Variants in DCAF8L2 observed in about 807,000 individuals in gnomAD.
The protein encoded by DCAF8L2 is DDB1 and CUL4 associated factor 8 like 2, also known as DDB1- and CUL4-associated factor 8-like protein 2.
For synonymous variants in DCAF8L2, 200 were observed against 190.9 expected, an observed-to-expected ratio of 1.05 and a Z score of -0.39; for missense variants, 430 against 490.7, an observed-to-expected ratio of 0.88 and a Z score of 1.17.
chrX:27,669,689 G>C (rs1173586652), intron 2 of DCAF8L2, among the ~76,000 whole-genome samples: 3 of 105,235 alleles, frequency 2.9e-5, no homozygotes, highest in African/African-American at 1.0e-4. Flanking sequence ...TGTTCTCATT[G>C]TTCAATCCCC....
the DCAF8L2 span, among the ~76,000 whole-genome samples, chrX:27,547,667 G>C: frequency 9.1e-6 from 1 of 110,379 alleles, no homozygotes; most frequent in Non-Finnish European, 1.9e-5. Flanking sequence ...CTCAAAATCG[G>C]GAGAACAACA....
chrX:27,698,878 A>G lies in DCAF8L2; in HGVS notation c.-142-17210A>G, dbSNP rs147762561. On this transcript the variant is annotated intron_variant, in intron 3 of 4. Transcript: ENST00000451261. ...GGGCAGACACTGTGCAAAATATTCT[A>G]CATTTATTCTTTTGACTATTTTAAA... Among the ~76,000 whole-genome samples the G allele has an allele frequency of 7.6e-4, 85 of 111,909 alleles. 2 individuals carry two copies. In the East Asian group the frequency reaches 0.023, roughly 31 times the overall value.
At chrX:27,700,151 G>A (rs1931077907) in intron 3 of DCAF8L2, among the ~76,000 whole-genome samples, 1 of 111,210 alleles carries the variant, frequency 9.0e-6, no homozygotes, top group Admixed American at 9.6e-5. Context: ...ATAGTTTCCT[G>A]GCCCCTAGTC....
the DCAF8L2 span, among the ~76,000 whole-genome samples, chrX:27,584,534 C>G: frequency 9.5e-3 from 1,048 of 110,063 alleles, 10 homozygotes; most frequent in Non-Finnish European, 0.014. Flanking sequence ...ATATGCCTCT[C>G]CAATTCCTAC....
the DCAF8L2 span, among the ~76,000 whole-genome samples, chrX:27,509,145 C>G: frequency 1.1e-4 from 12 of 111,371 alleles, no homozygotes; most frequent in African/African-American, 3.9e-4. Flanking sequence ...TCACTAGTAA[C>G]AGTGGTGGCT....
At chrX:27,641,381 A>T (rs1928710845) in intron 2 of DCAF8L2, among the ~76,000 whole-genome samples, 1 of 110,848 alleles carries the variant, frequency 9.0e-6, no homozygotes, top group African/African-American at 3.3e-5. Flanking sequence ...TAATTTAAAG[A>T]TATTGCTCCA....
At chrX:27,474,802 A>G in the DCAF8L2 span, among the ~76,000 whole-genome samples, 1 of 111,472 alleles carries the variant, frequency 9.0e-6, no homozygotes, top group Admixed American at 9.6e-5. Context: ...CAAGTCTGGG[A>G]TGTGTTTATG....
At chrX:27,632,519 T>G (rs186616946) in intron 2 of DCAF8L2, 1 of 111,877 alleles carries the variant, frequency 8.9e-6, no homozygotes, top group East Asian at 2.8e-4. Context: ...CCCAGGCACA[T>G]TGGCTGTTGC....
the DCAF8L2 span, among the ~76,000 whole-genome samples, chrX:27,487,391 C>A: frequency 8.9e-6 from 1 of 111,835 alleles, no homozygotes; most frequent in Non-Finnish European, 1.9e-5. Context: ...AAGCGGTTCT[C>A]CTGCCTCAGC....
chrX:27,547,891 T>TCTCTCTCTCTC, the DCAF8L2 span, among the ~76,000 whole-genome samples: 20 of 57,179 alleles, frequency 3.5e-4, 1 homozygote, highest in South Asian at 1.1e-3. Flanking sequence ...CTCTCTCTCT[T>TCTCTCTCTCTC]TCTCTCTCTC....
chrX:27,720,606 C>T (rs1051949896), intron 4 of DCAF8L2, among the ~76,000 whole-genome samples: 4 of 111,359 alleles, frequency 3.6e-5, no homozygotes, highest in Non-Finnish European at 7.5e-5. Flanking sequence ...ATCTCCTGAC[C>T]TCATGACCCA....
At chrX:27,551,345 G>T in the DCAF8L2 span, among the ~76,000 whole-genome samples, 1 of 110,123 alleles carries the variant, frequency 9.1e-6, no homozygotes, top group Non-Finnish European at 1.9e-5. Flanking sequence ...ACCAGCAAAA[G>T]ATTATGACTC....
In DCAF8L2 at chrX:27,704,372, G is replaced by A. The variant is rs563031695; in HGVS notation, c.-142-11716G>A. ...GAGATACTACCATTTGTGACAATAT[G>A]TGTGAGCCTGGAGAATATTATTCTA... On this transcript the variant is annotated intron_variant, in intron 3 of 4. Coordinates refer to ENST00000451261, the MANE Select transcript of DCAF8L2 (RefSeq NM_001353450.2). Among the ~76,000 whole-genome samples the A allele has an allele frequency of 3.1e-4, 34 of 108,125 alleles. No homozygotes were observed. The South Asian group carries it at 0.013, about 40-fold the overall frequency. The allele number at this position is 108,125 out of a possible 115,157, so 93.9% of individuals were successfully genotyped here.
chrX:27,584,445 A>G, the DCAF8L2 span, among the ~76,000 whole-genome samples: 1 of 109,834 alleles, frequency 9.1e-6, no homozygotes. Flanking sequence ...AATAACTTCA[A>G]TCTCTACATA....
upstream of DCAF8L2, among the ~76,000 whole-genome samples, chrX:27,587,982 A>AT (rs1925937128): frequency 3.0e-5 from 1 of 33,137 alleles, no homozygotes; most frequent in Non-Finnish European, 5.3e-5. Flanking sequence ...CATTAAAAAA[A>AT]AAAATATATA....
intron 4 of DCAF8L2, among the ~76,000 whole-genome samples, chrX:27,719,007 T>G (rs1931797701): frequency 8.9e-6 from 1 of 112,223 alleles, no homozygotes; most frequent in African/African-American, 3.2e-5. Context: ...CTTCTGTTTT[T>G]CTGAAGAATT....
At chrX:27,653,945 T>C (rs776608620) in intron 2 of DCAF8L2, among the ~76,000 whole-genome samples, 12 of 111,995 alleles carry the variant, frequency 1.1e-4, no homozygotes, top group African/African-American at 3.9e-4. Context: ...GTCATGGGAC[T>C]GAAATTATTA....
chrX:27,719,158 T>A (rs1931802567), intron 4 of DCAF8L2, among the ~76,000 whole-genome samples: 1 of 111,318 alleles, frequency 9.0e-6, no homozygotes, highest in Admixed American at 9.6e-5. Flanking sequence ...GGCTGCAACA[T>A]TTTGCATCCC....
At chrX:27,742,822 A>G (rs1179202400) in intron 4 of DCAF8L2, among the ~76,000 whole-genome samples, 5 of 111,726 alleles carry the variant, frequency 4.5e-5, no homozygotes, top group African/African-American at 1.6e-4. Flanking sequence ...GATCCCAGAG[A>G]AAAAGAGTGG....
Sources: gnomAD v4.1 joint callset for allele counts (sites outside exome capture counted in the v4.1 genomes callset) on GRCh38, gnomAD v4.1.1 for gene constraint, MANE v1.5 for transcripts, NCBI Gene and HGNC (gene_info 2026-07-23, HGNC 2026-07-21) for gene names.